Variants in PLEC observed in about 807,000 individuals in gnomAD.
PLEC encodes plectin, also known as hemidesmosomal protein 1.
Under a neutral mutation model 392.8 loss-of-function variants are expected in PLEC, and 216 were observed. That is an observed-to-expected ratio of 0.55 (90% CI 0.49 to 0.62). PLEC has a LOEUF of 0.62. Among genes scored for constraint, PLEC ranks in the 20% least tolerant of loss-of-function variants. The pLI, the probability that PLEC is intolerant of heterozygous loss-of-function variation, is 0.00. For synonymous variants in PLEC, 3,621 were observed against 2,980.6 expected, an observed-to-expected ratio of 1.21 and a Z score of -7.00; for missense variants, 6,863 against 6,563.4, an observed-to-expected ratio of 1.05 and a Z score of -1.58.
intron 25 of PLEC, among the ~76,000 whole-genome samples, chr8:143,928,704 T>C (rs116698534): frequency 0.026 from 3,883 of 150,128 alleles, 233 homozygotes; most frequent in African/African-American, 0.093. Flanking sequence ...GAAGAGACTA[T>C]GACATAACAC....
chr8:143,956,279 A>T (rs1832591093), upstream of PLEC, among the ~76,000 whole-genome samples: 1 of 152,192 alleles, frequency 6.6e-6, no homozygotes, highest in African/African-American at 2.4e-5. Flanking sequence ...TAAAACGCAT[A>T]AAATGGAATG....
rs377150241 is a variant in PLEC at position 143,918,224 on chromosome 8, C to A, written c.11597G>T (p.Arg3866Leu). 4 of 1,580,864 alleles carry A rather than the reference C, an allele frequency of 2.5e-6. No individual in the cohort carries two copies. Among genetic ancestry groups the A allele is most frequent in the Non-Finnish European group, 3.4e-6 (4 of 1,171,056 alleles). Residue 3866 changes from arginine to leucine, a missense_variant, in exon 32 of 32, where the codon CGT becomes CTT. Physicochemically the swap from Arg to Leu is moderately radical, Grantham distance 102. Transcript: ENST00000345136. ...GAGCAGCTGGCCGGTGCCGTCGTCA[C>A]GACGGCACCGCCTGAGCAGCTGCGT... ...SYTQLLRRCR[R>L]DDGTGQLLLP...
chr8:143,935,773 G>A (rs1331555978), intron 6 of PLEC, 75 bp downstream of exon 6: 10 of 1,513,224 alleles, frequency 6.6e-6, no homozygotes, highest in South Asian at 1.1e-5. Context: ...CTGCCCCAAC[G>A]TGTCTGAAGT....
In PLEC at chr8:143,929,398, G is replaced by A. The variant is rs1232515326; in HGVS notation, c.3081+16C>T. 1 of 1,561,696 alleles carries A rather than the reference G, an allele frequency of 6.4e-7. No homozygotes were observed. Among genetic ancestry groups the A allele is most frequent in the Non-Finnish European group, 8.6e-7 (1 of 1,156,462 alleles). Reference sequence around the variant, plus strand: ...GGGGAGAGGGATGGGACTGGATGGGGGGGGACGGCCCCTGCCTGCTGCTCG... The same window carrying A: ...GGGGAGAGGGATGGGACTGGATGGGAGGGGACGGCCCCTGCCTGCTGCTCG... On this transcript the variant is annotated intron_variant, in intron 24 of 31. Coordinates refer to ENST00000345136, the MANE Select transcript of PLEC (RefSeq NM_201384.3).
chr8:143,934,988 T>G, intron 8 of PLEC, 23 bp downstream of exon 8: 1 of 1,611,602 alleles, frequency 6.2e-7, no homozygotes, highest in Non-Finnish European at 8.5e-7. Flanking sequence ...CCAAGCCCCC[T>G]GCCCTCCGGG....
intron 1 of PLEC, among the ~76,000 whole-genome samples, chr8:143,948,288 C>T (rs536246432): frequency 9.1e-4 from 139 of 152,384 alleles, no homozygotes; most frequent in South Asian, 1.9e-3. Context: ...CGAGCTCTGA[C>T]CTTGCCCTTC....
In PLEC at chr8:143,934,429, C is replaced by T. The variant is rs782605033; in HGVS notation, c.1058G>A (p.Gly353Asp). Residue 353 changes from glycine (G) to aspartate (D), a missense_variant, in exon 11 of 32, where the codon GGC (glycine) becomes GAC (aspartate). Gly to Asp is a moderately conservative substitution (Grantham distance 94). Coordinates refer to ENST00000345136, the MANE Select transcript of PLEC (RefSeq NM_201384.3). ...YQSLEGAVQA[G>D]QLKVPPGYHP... ...GTAGCCAGGGGGCACCTTGAGCTGG[C>T]CTGCTTGCACCGCTCCCTGTAGACA... 4 of 1,611,250 alleles carry T rather than the reference C, an allele frequency of 2.5e-6. No homozygotes were observed. The highest frequency in any genetic ancestry group is 3.4e-6 in the Non-Finnish European group (4 of 1,179,528).
At chr8:143,951,084 G>T (rs888974364), upstream of PLEC, among the ~76,000 whole-genome samples, 5 of 152,194 alleles carry the variant, frequency 3.3e-5, no homozygotes, top group African/African-American at 9.7e-5. Context: ...CCCCCACCAG[G>T]CCCCACGGCT....
In PLEC at chr8:143,919,808, A is replaced by C. The variant is rs1563964423; in HGVS notation, c.10013T>G (p.Val3338Gly). 6.2e-7 allele frequency: 1 copy of C among 1,613,028 alleles called. No individual in the cohort carries two copies. The change falls in exon 32 of 32, where the codon GTC becomes GGC. Residue 3338 changes from valine to glycine, a missense_variant. Physicochemically the swap from Val to Gly is moderately radical, Grantham distance 109. Transcript: ENST00000345136. Reference protein sequence around the residue: ...FEQLKDGKTTVKDLSELGSVR... With the variant: ...FEQLKDGKTTGKDLSELGSVR... Reference sequence around the variant, plus strand: ...GGAGCCCAGCTCCGAAAGGTCCTTGACCGTCGTCTTGCCGTCCTTGAGCTG... The same window carrying C: ...GGAGCCCAGCTCCGAAAGGTCCTTGCCCGTCGTCTTGCCGTCCTTGAGCTG...
Position 143,918,591 on chromosome 8 carries a change from C to G in PLEC, c.11230G>C (p.Val3744Leu). 1 of 1,612,486 alleles carries G rather than the reference C, an allele frequency of 6.2e-7. No individual in the cohort carries two copies. Among genetic ancestry groups the G allele is most frequent in the Non-Finnish European group, 8.5e-7 (1 of 1,179,940 alleles). ...AGGCCCTTCCGCACAGCCTCATCCA[C>G]AGTCAGCCGCTCCCCCTTCACCGGG... ...LDPVKGERLT[V>L]DEAVRKGLVG... Residue 3744 changes from valine to leucine, a missense_variant, in exon 32 of 32, where the codon GTG becomes CTG. By Grantham distance (32) the Val-to-Leu change is conservative. Transcript: ENST00000345136.
upstream of PLEC, among the ~76,000 whole-genome samples, chr8:143,952,220 A>ACGCGCG (rs1554737431): frequency 0.027 from 3,750 of 139,876 alleles, 52 homozygotes; most frequent in Non-Finnish European, 0.033. Context: ...GCGCGCACAC[A>ACGCGCG]CGCACGCGCA....
intron 6 of PLEC, among the ~76,000 whole-genome samples, chr8:143,935,637 C>T (rs555682467): frequency 7.9e-5 from 12 of 152,160 alleles, no homozygotes; most frequent in Middle Eastern, 3.2e-3. Flanking sequence ...CAGCAGCCCG[C>T]GGGCCCTCCA....
Position 143,937,257 on chromosome 8 carries a change from A to C in PLEC, c.265-15T>G. 5 of 1,602,552 alleles carry C rather than the reference A, an allele frequency of 3.1e-6. No homozygotes were observed. The highest frequency in any genetic ancestry group is 4.3e-6 in the Non-Finnish European group (5 of 1,170,864). On this transcript the variant is annotated splice_polypyrimidine_tract_variant and intron_variant, in intron 3 of 31. Coordinates refer to ENST00000345136, the MANE Select transcript of PLEC (RefSeq NM_201384.3). ...TTCTCCCGGGGCTGTGGGGAGGCAC[A>C]GTCAGCACCCACAGTGCAGCTGCAG... is the stretch of plus-strand genomic sequence containing the variant.
rs371680770 is a variant in PLEC at position 143,932,038 on chromosome 8, G to A, written c.2083-6C>T. On this transcript the variant is annotated splice_polypyrimidine_tract_variant and splice_region_variant and intron_variant, in intron 17 of 31. Coordinates refer to ENST00000345136, the MANE Select transcript of PLEC (RefSeq NM_201384.3). The stretch of plus-strand genomic sequence containing the variant: ...TGCAGGGCCGCCTGGAAGGACTGCG[G>A]GACAGCAGGTCCCGGTCAGGCCCCG... 31 of 1,591,088 alleles carry A rather than the reference G, an allele frequency of 1.9e-5. No homozygotes were observed. In the East Asian group the frequency reaches 2.0e-4, roughly 10 times the overall value.
chr8:143,927,407 C>T lies in PLEC; in HGVS notation c.3756+3G>A. On this transcript the variant is annotated splice_donor_region_variant and intron_variant, in intron 27 of 31. Coordinates refer to ENST00000345136, the MANE Select transcript of PLEC (RefSeq NM_201384.3). ...CGCCCCGTCCCCACCGACCCAAGCC[C>T]ACCTGCTCCTGCCGCAGCTGCTCCC... is the stretch of plus-strand genomic sequence containing the variant. 1 of 1,606,492 alleles carries T rather than the reference C, an allele frequency of 6.2e-7. No individual in the cohort carries two copies. The highest frequency in any genetic ancestry group is 8.5e-7 in the Non-Finnish European group (1 of 1,179,372).
At chr8:143,959,310 CT>C (rs1308525312) in intron 1 of PLEC, among the ~76,000 whole-genome samples, 1 of 152,236 alleles carries the variant, frequency 6.6e-6, no homozygotes, top group Non-Finnish European at 1.5e-5. Context: ...CGAGAGATTT[CT>C]TTAGGCCAGT....
chr8:143,922,358 G>A lies in PLEC; in HGVS notation c.7463C>T (p.Thr2488Met), dbSNP rs989906646. ...TVQQEQLLQE[T>M]QALQQSFLSE... The stretch of plus-strand genomic sequence containing the variant: ...GAGGAAGCTTTGCTGCAGGGCCTGC[G>A]TCTCCTGCAGCAGCTGCTCCTGCTG... The change falls in exon 32 of 32, where the codon ACG (threonine) becomes ATG (methionine). Residue 2488 changes from threonine to methionine, a missense_variant. By Grantham distance (81) the Thr-to-Met change is moderately conservative. Transcript: ENST00000345136. 22 of 1,603,986 alleles carry A rather than the reference G, an allele frequency of 1.4e-5. No individual in the cohort carries two copies. Among genetic ancestry groups the A allele is most frequent in the African/African-American group, 4.0e-5 (3 of 74,916 alleles).
chr8:143,943,858 C>G, upstream of PLEC: 5 of 1,612,252 alleles, frequency 3.1e-6, no homozygotes, highest in Non-Finnish European at 3.4e-6. Flanking sequence ...CCACAACCAC[C>G]AGGGAGGGAA....
In PLEC at chr8:143,924,642, C is replaced by T. The variant is rs1257910796; in HGVS notation, c.5287G>A (p.Glu1763Lys). 9.8e-6 allele frequency: 15 copies of T among 1,537,684 alleles called. No individual in the cohort carries two copies. The highest frequency in any genetic ancestry group is 7.3e-5 in the East Asian group (3 of 40,986). ...TTGCTGGCCAGCAGCACCTCCATCT[C>T]GGCCCGCACCTTGGCCAGCTCGGCT... ...LEAELAKVRA[E>K]MEVLLASKAR... The change falls in exon 31 of 32, where the codon GAG (glutamate) becomes AAG (lysine). Residue 1763 changes from glutamate to lysine, a missense_variant. Coordinates refer to ENST00000345136, the MANE Select transcript of PLEC (RefSeq NM_201384.3).
Sources: gnomAD v4.1 joint callset for allele counts (sites outside exome capture counted in the v4.1 genomes callset) on GRCh38, gnomAD v4.1.1 for gene constraint, MANE v1.5 for transcripts, NCBI Gene and HGNC (gene_info 2026-07-23, HGNC 2026-07-21) for gene names.